ERCC4: variants seen among roughly 807,000 people sequenced by gnomAD.
ERCC4 encodes DNA repair endonuclease XPF.
ERCC4 carries 65 observed loss-of-function variants against 76.9 expected under a neutral mutation model. The observed-to-expected ratio is 0.84, with a 90% CI of 0.69 to 1.04. The LOEUF (loss-of-function observed/expected upper bound fraction) is 1.04. Ranked by LOEUF, ERCC4 falls within the 50% of genes least tolerant of loss-of-function variation. ERCC4 has a pLI of 0.00. For synonymous variants in ERCC4, 463 were observed against 410.1 expected, an observed-to-expected ratio of 1.13 and a Z score of -1.56; for missense variants, 1,214 against 1,128.2, an observed-to-expected ratio of 1.08 and a Z score of -1.09.
At position 13,920,317 on chromosome 16, in the gene ERCC4, T is replaced by G; in HGVS notation, c.152T>G (p.Leu51Arg). The G allele has an allele frequency of 6.2e-7, 1 of 1,601,650 alleles. No homozygotes were observed. Among genetic ancestry groups the G allele is most frequent in the Non-Finnish European group, 8.5e-7 (1 of 1,179,412 alleles). Residue 51 changes from leucine to arginine, a missense_variant, in exon 1 of 11, where the codon CTG (leucine) becomes CGG (arginine). Physicochemically the swap from Leu to Arg is moderately radical, Grantham distance 102. Transcript: ENST00000311895. The stretch of plus-strand genomic sequence containing the variant: ...CGGCTCCTCTACCACTTTCTCCAGC[T>G]GCACTGCCACCCAGCCTGCCTGGTG... Reference protein sequence around the residue: ...ADRLLYHFLQLHCHPACLVLV... With the variant: ...ADRLLYHFLQRHCHPACLVLV...
chr16:13,931,117 G>A, intron 5 of ERCC4: 1 of 532,298 alleles, frequency 1.9e-6, no homozygotes, highest in South Asian at 2.3e-5. Context: ...TCCGTTCCGG[G>A]CAATTTTATT....
chr16:13,925,474 T>A (rs1214173061), intron 2 of ERCC4, among the ~76,000 whole-genome samples: 4 of 152,214 alleles, frequency 2.6e-5, no homozygotes. Flanking sequence ...CTAAATAACA[T>A]TATTAATTTT....
rs115526695 is a variant in ERCC4 at position 13,950,886 on chromosome 16, A to G, written c.*2539A>G. ...GTCCTTGTTATCTAGTACAACATAA[A>G]TAACAGTCTTAAAAATTGCACTAAT... On this transcript the variant is annotated 3_prime_UTR_variant, in exon 11 of 11. Transcript: ENST00000311895. 4.2e-3 allele frequency: 821 copies of G among 196,354 alleles called. 10 individuals are homozygous for G. The highest frequency in any genetic ancestry group is 0.018 in the African/African-American group (785 of 43,296). The allele number at this position is 196,354 out of a possible 1,614,324, so 12.2% of individuals were successfully genotyped here.
At chr16:13,931,485 CA>C (rs1275265265) in intron 5 of ERCC4, 1 of 157,056 alleles carries the variant, frequency 6.4e-6, no homozygotes, top group African/African-American at 2.4e-5. Context: ...AGAAGCATGA[CA>C]GTAAAGAATG....
rs746495409 is a variant in ERCC4, at chr16:13,932,252, A to T, written c.1069A>T (p.Ile357Leu). Reference sequence around the variant, plus strand: ...TGCCAAAATGAGTAAAAAAGAAAAAATATCTGAAAAAATGGAAATTAAAGA... The same window carrying T: ...TGCCAAAATGAGTAAAAAAGAAAAATTATCTGAAAAAATGGAAATTAAAGA... The part of the protein sequence containing the change: ...PDAKMSKKEK[I>L]SEKMEIKEGE... Residue 357 changes from isoleucine to leucine, a missense_variant, in exon 6 of 11, where the codon ATA becomes TTA. Coordinates refer to ENST00000311895, the MANE Select transcript of ERCC4 (RefSeq NM_005236.3). 2 of 1,611,482 alleles carry T rather than the reference A, an allele frequency of 1.2e-6. No individual in the cohort carries two copies. The highest frequency in any genetic ancestry group is 3.3e-5 in the Admixed American group (2 of 59,948).
In ERCC4 at chr16:13,935,565, G is replaced by A. The variant is rs773007457; in HGVS notation, c.1633G>A (p.Gly545Arg). Residue 545 changes from glycine (G) to arginine (R), a missense_variant, in exon 8 of 11, where the codon GGA becomes AGA. Transcript: ENST00000311895. Reference protein sequence around the residue: ...DVNLSSDAAFGILKEPLTIIH... With the variant: ...DVNLSSDAAFRILKEPLTIIH... ...AAATTTGTCATCGGATGCTGCTTTC[G>A]GAATCCTGAAAGAACCCCTCACTAT... 31 of 1,613,990 alleles carry A rather than the reference G, an allele frequency of 1.9e-5. No individual in the cohort carries two copies. In the African/African-American group the frequency reaches 2.0e-4, roughly 10 times the overall value.
At chr16:13,938,510 C>A (rs544153607) in intron 9 of ERCC4, among the ~76,000 whole-genome samples, 1 of 152,324 alleles carries the variant, frequency 6.6e-6, no homozygotes, top group Admixed American at 6.5e-5. Context: ...CTGATAACCA[C>A]CTACCAGGGA....
rs1171775386 is a variant in ERCC4, at chr16:13,935,478, C to G, written c.1546C>G (p.Arg516Gly). 6 of 1,614,094 alleles carry G rather than the reference C, an allele frequency of 3.7e-6. No homozygotes were observed. The highest frequency in any genetic ancestry group is 3.3e-5 in the South Asian group (3 of 91,078). Residue 516 changes from arginine to glycine, a missense_variant, in exon 8 of 11, where the codon CGA becomes GGA. Arg to Gly is a moderately radical substitution (Grantham distance 125). Coordinates refer to ENST00000311895, the MANE Select transcript of ERCC4 (RefSeq NM_005236.3). Reference sequence around the variant, plus strand: ...AGGAGATGTCGAGGAAGGATATCGTCGAGAAATAAGCAGTAGCCCAGAAAG... The same window carrying G: ...AGGAGATGTCGAGGAAGGATATCGTGGAGAAATAAGCAGTAGCCCAGAAAG... ...EEGDVEEGYRREISSSPESCP... is the reference protein window; with the variant it reads ...EEGDVEEGYRGEISSSPESCP...
In ERCC4 at chr16:13,944,846, C is replaced by T. The variant is rs764777746; in HGVS notation, c.2017+11C>T. On this transcript the variant is annotated intron_variant, in intron 10 of 10. Coordinates refer to ENST00000311895, the MANE Select transcript of ERCC4 (RefSeq NM_005236.3). ...ACACTCGGAAAGCCGGTGAGTCCTGCACTTTGTCAGGCACCTCCATTGCCT... is the reference window on the plus strand; with the variant it reads ...ACACTCGGAAAGCCGGTGAGTCCTGTACTTTGTCAGGCACCTCCATTGCCT... 14 of 1,544,672 alleles carry T rather than the reference C, an allele frequency of 9.1e-6. No individual in the cohort carries two copies. In the Admixed American group the frequency reaches 2.0e-4, roughly 22 times the overall value.
At position 13,942,025 on chromosome 16, in the gene ERCC4, C is replaced by T. The variant is rs189107083; in HGVS notation, c.1905-2698C>T. Reference sequence around the variant, plus strand: ...CTTGAGCCCAGGAGCTCAAGACCACCATGGGCAACATGTGAGAATCCATCT... The same window carrying T: ...CTTGAGCCCAGGAGCTCAAGACCACTATGGGCAACATGTGAGAATCCATCT... On this transcript the variant is annotated intron_variant, in intron 9 of 10. Coordinates refer to ENST00000311895, the MANE Select transcript of ERCC4 (RefSeq NM_005236.3). Among the ~76,000 whole-genome samples, 3 of 152,252 alleles carry T rather than the reference C, an allele frequency of 2.0e-5. No homozygotes were observed. The East Asian group carries it at 5.8e-4, about 29-fold the overall frequency.
At chr16:13,934,454 G>A in intron 7 of ERCC4, 152 bp downstream of exon 7, 1 of 659,374 alleles carries the variant, frequency 1.5e-6, no homozygotes, top group East Asian at 2.6e-5. Context: ...TCTATAAAAT[G>A]TAGACAAATA....
Position 13,926,545 on chromosome 16 carries a change from T to C in ERCC4, c.389-16T>C, listed in dbSNP as rs746763106. ...CCTACCTGTTCTGTAGTTTAAATTA[T>C]GTTTCTCCCCCTCAGGCATCTTGGT... On this transcript the variant is annotated splice_polypyrimidine_tract_variant and intron_variant, in intron 2 of 10. Coordinates refer to ENST00000311895, the MANE Select transcript of ERCC4 (RefSeq NM_005236.3). The C allele has an allele frequency of 1.2e-6, 2 of 1,609,266 alleles. No homozygotes were observed. Among genetic ancestry groups the C allele is most frequent in the East Asian group, 2.2e-5 (1 of 44,856 alleles).
At chr16:13,929,932 C>G (rs1275608182) in intron 4 of ERCC4, among the ~76,000 whole-genome samples, 2 of 152,072 alleles carry the variant, frequency 1.3e-5, no homozygotes, top group African/African-American at 2.4e-5. Flanking sequence ...CCACTGCACT[C>G]GAGCCTGGCT....
At chr16:13,938,537 G>T (rs1430392131) in intron 9 of ERCC4, among the ~76,000 whole-genome samples, 1 of 152,198 alleles carries the variant, frequency 6.6e-6, no homozygotes, top group African/African-American at 2.4e-5. Flanking sequence ...CAAGAAGATT[G>T]CAGCCTGGTG....
At chr16:13,937,086 A>ATTTTTTTTTTTTTT (rs71150154) in intron 8 of ERCC4, among the ~76,000 whole-genome samples, 29 of 128,724 alleles carry the variant, frequency 2.3e-4, no homozygotes, top group Non-Finnish European at 3.3e-4. Context: ...TGCTCAACTA[A>ATTTTTTTTTTTTTT]TTTTTTTTTT....
chr16:13,927,296 C>T (rs150435446), intron 3 of ERCC4, among the ~76,000 whole-genome samples: 264 of 152,302 alleles, frequency 1.7e-3, no homozygotes, highest in African/African-American at 6.0e-3. Flanking sequence ...CAGTGGCTTA[C>T]GCCTGTAATC....
rs768936573 is a variant in ERCC4 at position 13,934,972 on chromosome 16, A to T, written c.1214-174A>T. On this transcript the variant is annotated intron_variant, in intron 7 of 10. Coordinates refer to ENST00000311895, the MANE Select transcript of ERCC4 (RefSeq NM_005236.3). ...GAAAAGATTTAAGTAATCTTGCCAG[A>T]GAGGAGAAAGCATTTGATCAATACC... is the stretch of plus-strand genomic sequence containing the variant. The T allele has an allele frequency of 4.7e-5, 28 of 595,952 alleles. 1 individual carries two copies. The highest frequency in any genetic ancestry group is 2.1e-4 in the Admixed American group (8 of 37,302). 36.9% of individuals were successfully genotyped at this position (595,952 alleles called of 1,614,324 possible).
At chr16:13,946,492 T>TA (rs1350991785) in intron 10 of ERCC4, among the ~76,000 whole-genome samples, 1 of 152,238 alleles carries the variant, frequency 6.6e-6, no homozygotes, top group Admixed American at 6.5e-5. Context: ...ATTGTGATCT[T>TA]ACGGGATCAC....
intron 2 of ERCC4, among the ~76,000 whole-genome samples, chr16:13,924,079 G>C (rs2032028700): frequency 6.6e-6 from 1 of 152,146 alleles, no homozygotes; most frequent in Non-Finnish European, 1.5e-5. Flanking sequence ...ACTGATGCTT[G>C]GCTGAGTGGA....
Sources: gnomAD v4.1 joint callset for allele counts (sites outside exome capture counted in the v4.1 genomes callset) on GRCh38, gnomAD v4.1.1 for gene constraint, MANE v1.5 for transcripts, NCBI Gene and HGNC (gene_info 2026-07-23, HGNC 2026-07-21) for gene names.